Variants in KLHL1 observed in about 807,000 individuals in gnomAD.
KLHL1 encodes the protein kelch like family member 1.
In KLHL1, 47 loss-of-function variants were observed where a neutral mutation model predicts 77.7. The ratio of observed to expected loss-of-function variants is 0.60; its 90% CI spans 0.48 to 0.77. The LOEUF (loss-of-function observed/expected upper bound fraction) is 0.77. KLHL1 is among the 30% of genes least tolerant of loss of function. The probability of loss-of-function intolerance (pLI) is 0.00; values close to 1 mark genes in which losing one functional copy is unlikely to be tolerated. For missense variants in KLHL1, 925 were observed against 910.8 expected, an observed-to-expected ratio of 1.02 and a Z score of -0.20; for synonymous variants, 360 against 325.2, an observed-to-expected ratio of 1.11 and a Z score of -1.15.
intron 6 of KLHL1, among the ~76,000 whole-genome samples, chr13:69,810,028 T>C (rs1214628111): frequency 1.3e-5 from 2 of 152,112 alleles, no homozygotes; most frequent in African/African-American, 4.8e-5. Flanking sequence ...AACATTAAAG[T>C]ATCCAGATTT....
At chr13:69,739,530 G>C (rs1873898330) in intron 8 of KLHL1, among the ~76,000 whole-genome samples, 1 of 152,076 alleles carries the variant, frequency 6.6e-6, no homozygotes, top group African/African-American at 2.4e-5. Context: ...GACATACACA[G>C]ACAAAATAAA....
At chr13:69,731,342 T>C (rs1177425956) in intron 8 of KLHL1, among the ~76,000 whole-genome samples, 2 of 152,160 alleles carry the variant, frequency 1.3e-5, no homozygotes, top group African/African-American at 4.8e-5. Context: ...TGAAAGTTGG[T>C]AACAAAATAT....
intron 1 of KLHL1, among the ~76,000 whole-genome samples, chr13:70,036,386 A>G (rs182020227): frequency 6.6e-6 from 1 of 152,134 alleles, no homozygotes; most frequent in Admixed American, 6.5e-5. Flanking sequence ...GAACTTTTAA[A>G]TTACCTTTTG....
At chr13:69,921,170 A>G (rs1282928734) in intron 4 of KLHL1, among the ~76,000 whole-genome samples, 2 of 152,180 alleles carry the variant, frequency 1.3e-5, no homozygotes, top group Admixed American at 6.5e-5. Flanking sequence ...CTAAAAACCT[A>G]TTTGGCAAAA....
At chr13:69,818,907 C>T (rs1391936995) in intron 6 of KLHL1, among the ~76,000 whole-genome samples, 1 of 152,152 alleles carries the variant, frequency 6.6e-6, no homozygotes, top group Non-Finnish European at 1.5e-5. Context: ...TATTATATTG[C>T]TTTTCTTCAG....
chr13:69,855,787 T>G (rs1180303811), intron 5 of KLHL1, among the ~76,000 whole-genome samples: 1 of 149,892 alleles, frequency 6.7e-6, no homozygotes. Flanking sequence ...GGGCAGCTCT[T>G]TATAGCAGTG....
intron 6 of KLHL1, among the ~76,000 whole-genome samples, chr13:69,797,774 A>G (rs1445555129): frequency 6.6e-6 from 1 of 150,886 alleles, no homozygotes; most frequent in Non-Finnish European, 1.5e-5. Flanking sequence ...GCTTGCAGTG[A>G]GCAGAGATCG....
chr13:69,969,548 C>A (rs1218178381), intron 2 of KLHL1, among the ~76,000 whole-genome samples: 1 of 151,600 alleles, frequency 6.6e-6, no homozygotes, highest in Admixed American at 6.6e-5. Flanking sequence ...TAAAGTTAAC[C>A]AGCTTAATCT....
At chr13:70,037,928 A>G (rs1886279809) in intron 1 of KLHL1, among the ~76,000 whole-genome samples, 1 of 152,026 alleles carries the variant, frequency 6.6e-6, no homozygotes, top group African/African-American at 2.4e-5. Flanking sequence ...TTTTATATAC[A>G]TTTTATATAT....
chr13:69,929,977 C>G (rs970147505), intron 4 of KLHL1, among the ~76,000 whole-genome samples: 1 of 151,764 alleles, frequency 6.6e-6, no homozygotes, highest in South Asian at 2.1e-4. Flanking sequence ...TTATCCTGCT[C>G]GCTCCAGCTG....
rs768349047 is a variant in KLHL1 at position 69,714,590 on chromosome 13, T to C, written c.2015+4779A>G. Among the ~76,000 whole-genome samples the C allele has an allele frequency of 1.8e-4, 27 of 151,854 alleles. 1 individual carries two copies. In the South Asian group the frequency reaches 3.5e-3, roughly 20 times the overall value. ...ATTATTTTTATTTTATTTTATTTTA[T>C]TTATTTATTTATATATTTTTTGAGA... On this transcript the variant is annotated intron_variant, in intron 9 of 10. Coordinates refer to ENST00000377844, the MANE Select transcript of KLHL1 (RefSeq NM_020866.3).
intron 4 of KLHL1, among the ~76,000 whole-genome samples, chr13:69,899,444 C>T (rs1193394474): frequency 6.6e-6 from 1 of 152,178 alleles, no homozygotes; most frequent in East Asian, 1.9e-4. Flanking sequence ...GCCTATTCTT[C>T]ACCTCAATCT....
intron 6 of KLHL1, among the ~76,000 whole-genome samples, chr13:69,833,850 C>CAT (rs1164545524): frequency 2.8e-5 from 4 of 141,036 alleles, no homozygotes; most frequent in Non-Finnish European, 6.1e-5. Flanking sequence ...TATACACACA[C>CAT]ATATATACAC....
rs543352460 is a variant in KLHL1, at chr13:70,015,866, T to C, written c.498-40064A>G. ...ATGTGATAGGGTTGAAATATAATAT[T>C]ACCATAACATAACTGAATATATTTT... On this transcript the variant is annotated intron_variant, in intron 1 of 10. Transcript: ENST00000377844. Among the ~76,000 whole-genome samples, 3 of 152,344 alleles carry C rather than the reference T, an allele frequency of 2.0e-5. No homozygotes were observed. In the South Asian group the frequency reaches 6.2e-4, roughly 32 times the overall value.
chr13:69,912,951 G>A (rs1406642736), intron 4 of KLHL1, among the ~76,000 whole-genome samples: 2 of 152,076 alleles, frequency 1.3e-5, no homozygotes, highest in Admixed American at 6.5e-5. Flanking sequence ...AGCATTGTGA[G>A]CAACATGTGC....
chr13:69,734,650 A>G (rs1873690343), intron 8 of KLHL1, among the ~76,000 whole-genome samples: 1 of 152,134 alleles, frequency 6.6e-6, no homozygotes, highest in South Asian at 2.1e-4. Flanking sequence ...TAGTGATAAT[A>G]CTAACAGAGA....
At chr13:69,818,282 A>G (rs1878203420) in intron 6 of KLHL1, among the ~76,000 whole-genome samples, 1 of 136,720 alleles carries the variant, frequency 7.3e-6, no homozygotes, top group South Asian at 2.2e-4. Flanking sequence ...GTGCAGTGGC[A>G]CGATCTCAGC....
intron 2 of KLHL1, among the ~76,000 whole-genome samples, chr13:69,964,288 T>C (rs1884150917): frequency 6.6e-6 from 1 of 152,176 alleles, no homozygotes. Flanking sequence ...GTAATCCTCC[T>C]GCCTTAGCCT....
At chr13:69,870,345 G>A (rs1880530978) in intron 5 of KLHL1, among the ~76,000 whole-genome samples, 1 of 151,984 alleles carries the variant, frequency 6.6e-6, no homozygotes, top group Admixed American at 6.6e-5. Flanking sequence ...ATTACCATGA[G>A]GACAGCACCC....
Sources: gnomAD v4.1 joint callset for allele counts (sites outside exome capture counted in the v4.1 genomes callset) on GRCh38, gnomAD v4.1.1 for gene constraint, MANE v1.5 for transcripts, NCBI Gene and HGNC (gene_info 2026-07-23, HGNC 2026-07-21) for gene names.